ILRUN: variants seen among roughly 807,000 people sequenced by gnomAD.
The protein encoded by ILRUN is inflammation and lipid regulator with UBA-like and NBR1-like domains, also known as protein ILRUN.
A neutral mutation model predicts 33.8 loss-of-function variants in ILRUN; 3 were observed. That is an observed-to-expected ratio of 0.09 (90% CI 0.04 to 0.23). The LOEUF (loss-of-function observed/expected upper bound fraction) is 0.23. Ranked by LOEUF, ILRUN falls within the 10% of genes least tolerant of loss-of-function variation. ILRUN has a pLI of 1.00. For missense variants in ILRUN, 210 were observed against 375.1 expected (o/e 0.56, Z 3.64); for synonymous variants, 124 against 138.9 (o/e 0.89, Z 0.75).
rs1762567101 is a variant in ILRUN, at chr6:34,646,524, C to T, written c.511+77G>A. On this transcript the variant is annotated intron_variant, in intron 3 of 4. Transcript: ENST00000374023. The surrounding 1 kb of genome is among the most constrained non-coding windows in gnomAD (Gnocchi z 4.9). Reference sequence around the variant, plus strand: ...ATGCCCTGTTATGCAATTTGACAGGCTCTGTGAGCAACACTGGGGATGTTA... The same window carrying T: ...ATGCCCTGTTATGCAATTTGACAGGTTCTGTGAGCAACACTGGGGATGTTA... The T allele has an allele frequency of 5.6e-6, 8 of 1,425,712 alleles. No individual in the cohort carries two copies. The highest frequency in any genetic ancestry group is 2.8e-5 in the African/African-American group (2 of 71,302). 88.3% of individuals were successfully genotyped at this position (1,425,712 alleles called of 1,614,324 possible).
chr6:34,689,685 G>C (rs1337027620), intron 1 of ILRUN, among the ~76,000 whole-genome samples: 1 of 151,632 alleles, frequency 6.6e-6, no homozygotes. Context: ...AGGCAAAGAA[G>C]GTAATACGTG....
rs2127354272 is a variant in ILRUN at position 34,638,676 on chromosome 6, G to A, written c.511+7925C>T. 2.6e-5 allele frequency among the ~76,000 whole-genome samples: 4 copies of A among 151,950 alleles called. No homozygotes were observed. The South Asian group carries it at 8.3e-4, about 31-fold the overall frequency. On this transcript the variant is annotated intron_variant, in intron 3 of 4. Transcript: ENST00000374023. ...GCCGTGATCACACCACTGCATTCCAGCCTGGGTGACAAAGCAAGACCCTCT... is the reference window on the plus strand; with the variant it reads ...GCCGTGATCACACCACTGCATTCCAACCTGGGTGACAAAGCAAGACCCTCT...
Position 34,616,928 on chromosome 6 carries a change from T to C in ILRUN, c.512-10024A>G, listed in dbSNP as rs1299590321. 6.9e-5 allele frequency: 41 copies of C among 590,402 alleles called. No homozygotes were observed. The East Asian group carries it at 1.3e-3, about 18-fold the overall frequency. The allele number at this position is 590,402 out of a possible 1,614,324, so 36.6% of individuals were successfully genotyped here. A position where few individuals can be genotyped will look rare whatever the true frequency, so the allele number is the denominator to read the frequency against. On this transcript the variant is annotated intron_variant, in intron 3 of 4. Transcript: ENST00000374023. ...TAACATGCTGAGGATTGTAGAACCA[T>C]ATATTGCATAGGAGTACCCAAATCT...
chr6:34,613,006 G>A (rs1761792371), intron 3 of ILRUN, among the ~76,000 whole-genome samples: 1 of 151,072 alleles, frequency 6.6e-6, no homozygotes, highest in Non-Finnish European at 1.5e-5. Context: ...TTGCGCCACT[G>A]CACTCCAGCC....
intron 1 of ILRUN, among the ~76,000 whole-genome samples, chr6:34,694,192 T>C (rs1370389681): frequency 1.3e-5 from 2 of 152,144 alleles, no homozygotes; most frequent in African/African-American, 4.8e-5. Context: ...TCTTAGACAT[T>C]AAATACATAC....
chr6:34,607,381 ATGAGAG>A (rs1448858700), intron 3 of ILRUN, among the ~76,000 whole-genome samples: 2 of 152,238 alleles, frequency 1.3e-5, no homozygotes, highest in Non-Finnish European at 2.9e-5. Flanking sequence ...ACTAGGACAA[ATGAGAG>A]TGAAAGAGGG....
intron 1 of ILRUN, among the ~76,000 whole-genome samples, chr6:34,691,217 C>T (rs953530897): frequency 6.6e-6 from 1 of 152,064 alleles, no homozygotes; most frequent in Non-Finnish European, 1.5e-5. Context: ...AGTCAGTTTC[C>T]GGTTTTACAA....
chr6:34,629,693 T>C lies in ILRUN; in HGVS notation c.511+16908A>G, dbSNP rs140212254. Among the ~76,000 whole-genome samples, 994 of 152,340 alleles carry C rather than the reference T, an allele frequency of 6.5e-3. 9 individuals are homozygous for C. The highest frequency in any genetic ancestry group is 0.027 in the Middle Eastern group (8 of 294). ...TTCTCTGAGCTTCCTGGATCTGTGA[T>C]TTGATGTCTGACATTAATTTGGAGA... On this transcript the variant is annotated intron_variant, in intron 3 of 4. Transcript: ENST00000374023.
intron 3 of ILRUN, among the ~76,000 whole-genome samples, chr6:34,614,443 A>AAAAAAAAAAAAATATATAT (rs71000073): frequency 7.5e-6 from 1 of 133,598 alleles, no homozygotes; most frequent in African/African-American, 3.1e-5. Flanking sequence ...AAAAAAAAAA[A>AAAAAAAAAAAAATATATAT]ATATATATAT....
At chr6:34,683,423 TATATACATA>T (rs199859312) in intron 1 of ILRUN, among the ~76,000 whole-genome samples, 1,122 of 67,008 alleles carry the variant, frequency 0.017, 46 homozygotes, top group African/African-American at 0.1. Context: ...TATATACATA[TATATACATA>T]TATATATACA....
chr6:34,589,597 A>G lies in ILRUN; in HGVS notation c.*968T>C, dbSNP rs205268. ...TGCACACCTGCTGGTGAGTTGCACC[A>G]ACACCCGTGTGTGCACATGTGGTGC... On this transcript the variant is annotated 3_prime_UTR_variant, in exon 5 of 5. Coordinates refer to ENST00000374023, the MANE Select transcript of ILRUN (RefSeq NM_024294.4). 151,552 of 152,388 alleles carry G rather than the reference A, an allele frequency of 0.99. 75,365 individuals are homozygous for G. Among genetic ancestry groups the G allele is most frequent in the Middle Eastern group, 1 (294 of 294 alleles). 9.4% of individuals were successfully genotyped at this position (152,388 alleles called of 1,614,324 possible).
chr6:34,603,705 A>T (rs552865306), intron 4 of ILRUN, among the ~76,000 whole-genome samples: 1 of 152,320 alleles, frequency 6.6e-6, no homozygotes, highest in African/African-American at 2.4e-5. Flanking sequence ...ATTGCTCTCT[A>T]TTGAGCAAAT....
chr6:34,595,976 G>C (rs765025503), intron 4 of ILRUN: 23 of 924,026 alleles, frequency 2.5e-5, no homozygotes, highest in Non-Finnish European at 3.0e-5. Context: ...AGAATACAGG[G>C]TTTAGTACTA....
At chr6:34,690,303 A>C (rs2744944) in intron 1 of ILRUN, among the ~76,000 whole-genome samples, 81,503 of 151,786 alleles carry the variant, frequency 0.54, 23,707 homozygotes, top group South Asian at 0.69. Flanking sequence ...TCTACTAATA[A>C]TACAAAGATT....
At chr6:34,662,870 A>G (rs1488699034) in intron 1 of ILRUN, among the ~76,000 whole-genome samples, 1 of 152,190 alleles carries the variant, frequency 6.6e-6, no homozygotes, top group Admixed American at 6.5e-5. Flanking sequence ...TGAGCCCAAG[A>G]CTGGTCCAGC....
intron 3 of ILRUN, among the ~76,000 whole-genome samples, chr6:34,626,146 G>A (rs984888683): frequency 3.9e-5 from 6 of 152,006 alleles, no homozygotes; most frequent in Admixed American, 1.3e-4. Context: ...CACTGCACCC[G>A]GCCAGGAGGC....
chr6:34,654,710 G>A lies in ILRUN; in HGVS notation c.228C>T (p.Ser76=). The A allele has an allele frequency of 6.2e-7, 1 of 1,614,014 alleles. No homozygotes were observed. The highest frequency in any genetic ancestry group is 8.5e-7 in the Non-Finnish European group (1 of 1,179,948). ...CTCCTATGGTGACATCTTCAACAAA[G>A]GACATAGAGGGCACACTGATGTTTG... The part of the protein sequence containing the change: ...ESPNISVPSM[S]FVEDVTIGEG... Residue 76 remains serine, a synonymous_variant, in exon 2 of 5, where the codon TCC becomes TCT. Coordinates refer to ENST00000374023, the MANE Select transcript of ILRUN (RefSeq NM_024294.4).
At chr6:34,626,110 G>A (rs1481191999) in intron 3 of ILRUN, among the ~76,000 whole-genome samples, 2 of 152,082 alleles carry the variant, frequency 1.3e-5, no homozygotes, top group East Asian at 1.9e-4. Flanking sequence ...TCGGCCTCCC[G>A]AAATGCTGGG....
intron 1 of ILRUN, among the ~76,000 whole-genome samples, chr6:34,665,232 G>C (rs1461209362): frequency 1.4e-5 from 2 of 143,412 alleles, no homozygotes; most frequent in Non-Finnish European, 3.0e-5. Flanking sequence ...GAGACAGGAG[G>C]ATCACTGGAG....
Sources: gnomAD v4.1 joint callset for allele counts (sites outside exome capture counted in the v4.1 genomes callset) on GRCh38, gnomAD v4.1.1 for gene constraint, Gnocchi (gnomAD v3.1) non-coding constraint, MANE v1.5 for transcripts, NCBI Gene and HGNC (gene_info 2026-07-23, HGNC 2026-07-21) for gene names.